The following CATSPER4 variants were observed in gnomAD, a reference collection of about 807,000 sequenced individuals.
CATSPER4 encodes the protein cation channel sperm associated 4.
In CATSPER4, 46 loss-of-function variants were observed where a neutral mutation model predicts 54.4. That is an observed-to-expected ratio of 0.84 (90% confidence interval 0.67 to 1.08). The LOEUF is 1.08. CATSPER4 is among the 50% of genes least tolerant of loss of function. CATSPER4 has a pLI of 0.00. For synonymous variants in CATSPER4, 230 were observed against 231.9 expected (o/e 0.99, Z 0.08); for missense variants, 574 against 612.8 (o/e 0.94, Z 0.67).
In CATSPER4 at chr1:26,202,279, T is replaced by C. The variant is rs187365526; in HGVS notation, c.1366-210T>C. ...AAAGGCACACACCCACGTTACTTAG[T>C]TTCTTTTTCTGCCCCTCCACACCAT... On this transcript the variant is annotated intron_variant, in intron 9 of 9. Coordinates refer to ENST00000456354, the MANE Select transcript of CATSPER4 (RefSeq NM_198137.2). Among the ~76,000 whole-genome samples, 4 of 152,154 alleles carry C rather than the reference T, an allele frequency of 2.6e-5. No homozygotes were observed. In the East Asian group the frequency reaches 7.7e-4, roughly 29 times the overall value.
intron 7 of CATSPER4, 122 bp downstream of exon 7, chr1:26,200,180 C>G: frequency 8.6e-7 from 1 of 1,163,044 alleles, no homozygotes; most frequent in Admixed American, 2.3e-5. Context: ...AAGTTGGAGG[C>G]CTGGAGGCAG....
chr1:26,202,673 G>A lies in CATSPER4; in HGVS notation c.*131G>A. 2 of 865,056 alleles carry A rather than the reference G, an allele frequency of 2.3e-6. No individual in the cohort carries two copies. Among genetic ancestry groups the A allele is most frequent in the Admixed American group, 4.2e-5 (2 of 47,606 alleles). The allele number at this position is 865,056 out of a possible 1,614,324, so 53.6% of individuals were successfully genotyped here. On this transcript the variant is annotated 3_prime_UTR_variant, in exon 10 of 10. Transcript: ENST00000456354. ...CCTTATACCTGGGCAGAGGCCAGGGGCTGTGAAGGTGGCAGCACCTGCAGG... is the reference window on the plus strand; with the variant it reads ...CCTTATACCTGGGCAGAGGCCAGGGACTGTGAAGGTGGCAGCACCTGCAGG...
intron 6 of CATSPER4, among the ~76,000 whole-genome samples, chr1:26,198,755 G>C (rs902785924): frequency 6.6e-6 from 1 of 152,146 alleles, no homozygotes; most frequent in Non-Finnish European, 1.5e-5. Flanking sequence ...CCACCTTGGA[G>C]CCCACCAAAC....
chr1:26,201,701 T>TTC, intron 9 of CATSPER4, 182 bp downstream of exon 9: 1 of 621,994 alleles, frequency 1.6e-6, no homozygotes, highest in Non-Finnish European at 2.8e-6. Flanking sequence ...TTTTTTTTTT[T>TTC]TTTTTTGAGA....
Position 26,197,673 on chromosome 1 carries a change from GC to G in CATSPER4, c.460-10del, listed in dbSNP as rs745517688. ...GGCCTGACAGACCCCACTGGGGCTG[GC>G]CCACTCCCCAGGACGGCTGGAACAT... On this transcript the variant is annotated splice_polypyrimidine_tract_variant and intron_variant, in intron 3 of 9. Transcript: ENST00000456354. 1 of 1,605,002 alleles carries G rather than the reference GC, an allele frequency of 6.2e-7. No individual in the cohort carries two copies. Among genetic ancestry groups the G allele is most frequent in the Non-Finnish European group, 8.5e-7 (1 of 1,173,186 alleles).
At chr1:26,192,348 G>C (rs1383390652) in intron 2 of CATSPER4, among the ~76,000 whole-genome samples, 7 of 151,892 alleles carry the variant, frequency 4.6e-5, no homozygotes, top group African/African-American at 1.7e-4. Context: ...CCAACACTTT[G>C]GCAGGCCAAA....
Position 26,201,537 on chromosome 1 carries a change from T to C in CATSPER4, c.1365+18T>C, listed in dbSNP as rs776310427. ...TGGAAAAGGTGTGCCTTCCTTCTCC[T>C]ACCCAATGGGTACTCGCCCTGACAC... On this transcript the variant is annotated intron_variant, in intron 9 of 9. Coordinates refer to ENST00000456354, the MANE Select transcript of CATSPER4 (RefSeq NM_198137.2). 7.4e-6 allele frequency: 12 copies of C among 1,613,208 alleles called. No homozygotes were observed. The highest frequency in any genetic ancestry group is 1.7e-4 in the Middle Eastern group (1 of 6,058).
intron 3 of CATSPER4, among the ~76,000 whole-genome samples, chr1:26,196,439 C>G (rs2088940395): frequency 8.8e-6 from 1 of 113,944 alleles, no homozygotes; most frequent in African/African-American, 3.4e-5. Flanking sequence ...GAGACAGGGT[C>G]TCACCCCTGT....
At position 26,190,741 on chromosome 1, in the gene CATSPER4, G is replaced by A; in HGVS notation, c.114G>A (p.Leu38=). The change falls in exon 1 of 10, where the codon CTG becomes CTA. Residue 38 remains leucine (L), a synonymous_variant. Coordinates refer to ENST00000456354, the MANE Select transcript of CATSPER4 (RefSeq NM_198137.2). ...GGTTTGGAGGGGCAGTAGCTGCACT[G>A]AGGGGCCGCCCCTCTCCCCTGCAGA... ...RMGFGGAVAA[L]RGRPSPLQST... 1 of 1,613,512 alleles carries A rather than the reference G, an allele frequency of 6.2e-7. No individual in the cohort carries two copies. The highest frequency in any genetic ancestry group is 8.5e-7 in the Non-Finnish European group (1 of 1,179,892).
intron 8 of CATSPER4, 87 bp downstream of exon 8, chr1:26,201,128 A>G: frequency 2.5e-6 from 3 of 1,197,326 alleles, no homozygotes; most frequent in Non-Finnish European, 3.7e-6. Flanking sequence ...CGCCCTCACC[A>G]TTTATAAGGC....
intron 9 of CATSPER4, chr1:26,201,750 C>A (rs1156984686): frequency 2.1e-6 from 1 of 471,304 alleles, no homozygotes; most frequent in Admixed American, 3.8e-5. Context: ...AGTGCAGTGG[C>A]GCGATCTCGG....
chr1:26,192,407 T>G (rs2088880862), intron 2 of CATSPER4, among the ~76,000 whole-genome samples: 1 of 151,972 alleles, frequency 6.6e-6, no homozygotes, highest in South Asian at 2.1e-4. Flanking sequence ...CTGGCCAACA[T>G]GGTGAAACCC....
chr1:26,192,638 G>A (rs1283519163), intron 2 of CATSPER4, among the ~76,000 whole-genome samples: 1 of 151,476 alleles, frequency 6.6e-6, no homozygotes, highest in Non-Finnish European at 1.5e-5. Context: ...TGTCGCCCAG[G>A]CTGGTCTGGA....
intron 7 of CATSPER4, among the ~76,000 whole-genome samples, chr1:26,200,522 T>C (rs1055447974): frequency 6.6e-6 from 1 of 152,052 alleles, no homozygotes; most frequent in Non-Finnish European, 1.5e-5. Flanking sequence ...AGTGGAGTGC[T>C]GGAGGCCTGG....
chr1:26,197,661 C>T (rs1223106457), intron 3 of CATSPER4, 25 bp from the exon 4 acceptor site: 9 of 1,567,726 alleles, frequency 5.7e-6, no homozygotes, highest in Non-Finnish European at 7.9e-6. Context: ...CTGACAGACC[C>T]CACTGGGGCT....
rs536267090 is a variant in CATSPER4 at position 26,200,748 on chromosome 1, A to G, written c.988-82A>G. ...AGAACCCTGGGGTCCTAAGAGACTC[A>G]TCCTGAAGCCAAGCAGGAAAAGGGT... On this transcript the variant is annotated intron_variant, in intron 7 of 9. Coordinates refer to ENST00000456354, the MANE Select transcript of CATSPER4 (RefSeq NM_198137.2). 8.0e-5 allele frequency: 88 copies of G among 1,095,896 alleles called. No homozygotes were observed. The East Asian group carries it at 2.0e-3, about 25-fold the overall frequency. The allele number at this position is 1,095,896 out of a possible 1,614,324, so 67.9% of individuals were successfully genotyped here.
In CATSPER4 at chr1:26,201,528, T is replaced by C; in HGVS notation, c.1365+9T>C. 1 of 1,613,894 alleles carries C rather than the reference T, an allele frequency of 6.2e-7. No individual in the cohort carries two copies. The highest frequency in any genetic ancestry group is 1.7e-5 in the Admixed American group (1 of 60,012). On this transcript the variant is annotated intron_variant, in intron 9 of 9. Coordinates refer to ENST00000456354, the MANE Select transcript of CATSPER4 (RefSeq NM_198137.2). Reference sequence around the variant, plus strand: ...TCGTTAGCATGGAAAAGGTGTGCCTTCCTTCTCCTACCCAATGGGTACTCG... The same window carrying C: ...TCGTTAGCATGGAAAAGGTGTGCCTCCCTTCTCCTACCCAATGGGTACTCG...
At position 26,200,054 on chromosome 1, in the gene CATSPER4, G is replaced by A. The variant is rs76062664; in HGVS notation, c.983G>A (p.Ser328Asn). 5 of 1,613,024 alleles carry A rather than the reference G, an allele frequency of 3.1e-6. No homozygotes were observed. The highest frequency in any genetic ancestry group is 4.2e-6 in the Non-Finnish European group (5 of 1,179,434). Reference sequence around the variant, plus strand: ...GGACAACAGCAACGAATAACCTTTAGTGAGGTGCGTGGGATGGGGAGGGCA... The same window carrying A: ...GGACAACAGCAACGAATAACCTTTAATGAGGTGCGTGGGATGGGGAGGGCA... ...EQGQQQRITF[S>N]ETGAEEEEEN... The change falls in exon 7 of 10, where the codon AGT becomes AAT. Residue 328 changes from serine (S) to asparagine (N), a missense_variant. Physicochemically the swap from Ser to Asn is conservative, Grantham distance 46 (BLOSUM62 1). Transcript: ENST00000456354.
Position 26,197,937 on chromosome 1 carries a change from C to T in CATSPER4, c.558-20C>T, listed in dbSNP as rs1172232116. ...GGGCTGGGAAGGGCCTAGGGGCACCCCTGACAGGCTCTGCCACAGGGCGCT... is the reference window on the plus strand; with the variant it reads ...GGGCTGGGAAGGGCCTAGGGGCACCTCTGACAGGCTCTGCCACAGGGCGCT... On this transcript the variant is annotated intron_variant, in intron 4 of 9. Transcript: ENST00000456354. 6.8e-6 allele frequency: 11 copies of T among 1,612,342 alleles called. No homozygotes were observed. The African/African-American group carries it at 1.5e-4, about 22-fold the overall frequency.
Sources: gnomAD v4.1 joint callset for allele counts (sites outside exome capture counted in the v4.1 genomes callset) on GRCh38, gnomAD v4.1.1 for gene constraint, MANE v1.5 for transcripts, NCBI Gene and HGNC (gene_info 2026-07-23, HGNC 2026-07-21) for gene names.